ACSL3: variants seen among roughly 807,000 people sequenced by gnomAD.
ACSL3 encodes the protein acyl-CoA synthetase long chain family member 3, also known as fatty acid CoA ligase Acsl3.
A neutral mutation model predicts 84.7 loss-of-function variants in ACSL3; 34 were observed. That is an observed-to-expected ratio of 0.40 (90% CI 0.31 to 0.53). The LOEUF is 0.53. ACSL3 is among the 20% of genes least tolerant of loss of function. The pLI, the probability that ACSL3 is intolerant of heterozygous loss-of-function variation, is 0.48. For synonymous variants in ACSL3, 315 were observed against 299.4 expected (o/e 1.05, Z -0.54); for missense variants, 680 against 873.1 (o/e 0.78, Z 2.79).
intron 11 of ACSL3, 83 bp from the exon 12 acceptor site, chr2:222,926,934 T>C (rs1237881877): frequency 2.1e-6 from 3 of 1,450,816 alleles, no homozygotes; most frequent in South Asian, 2.7e-5. Context: ...ATCTCTCATA[T>C]CAAAACTGGG....
At chr2:222,876,742 A>G (rs141070538) in intron 1 of ACSL3, among the ~76,000 whole-genome samples, 12 of 152,260 alleles carry the variant, frequency 7.9e-5, no homozygotes, top group Non-Finnish European at 7.4e-5. Flanking sequence ...GCTAGATTCT[A>G]GGAAAGCAGA....
Position 222,919,213 on chromosome 2 carries a change from CTT to C in ACSL3, c.805+14_805+15del. ...CCAAGGCCAGCATGGGTATGTTACACTTTTCTAATTCCTTACCTGTGCTTTCT... is the reference window on the plus strand; with the variant it reads ...CCAAGGCCAGCATGGGTATGTTACACTTCTAATTCCTTACCTGTGCTTTCT... On this transcript the variant is annotated intron_variant, in intron 7 of 16. Coordinates refer to ENST00000357430, the MANE Select transcript of ACSL3 (RefSeq NM_004457.5). 1 of 1,613,492 alleles carries C rather than the reference CTT, an allele frequency of 6.2e-7. No individual in the cohort carries two copies. Among genetic ancestry groups the C allele is most frequent in the Non-Finnish European group, 8.5e-7 (1 of 1,179,766 alleles).
intron 13 of ACSL3, among the ~76,000 whole-genome samples, chr2:222,929,985 T>C (rs1195151771): frequency 2.7e-5 from 4 of 146,264 alleles, no homozygotes; most frequent in Non-Finnish European, 6.0e-5. Context: ...TGGAGTGCAG[T>C]GTCAATGGTT....
intron 2 of ACSL3, among the ~76,000 whole-genome samples, chr2:222,891,382 G>A (rs1227360065): frequency 6.6e-6 from 1 of 152,128 alleles, no homozygotes; most frequent in African/African-American, 2.4e-5. Flanking sequence ...TTAGTAATTG[G>A]CAGCAGAGCT....
At chr2:222,922,573 A>T (rs200799889) in intron 8 of ACSL3, 135 bp from the exon 9 acceptor site, 14 of 737,896 alleles carry the variant, frequency 1.9e-5, no homozygotes, top group Non-Finnish European at 2.3e-5. Context: ...TCTCTCTCAC[A>T]AACACATACA....
Position 222,924,520 on chromosome 2 carries a change from G to A in ACSL3, c.1217G>A (p.Arg406His), listed in dbSNP as rs765377905. 20 of 1,610,454 alleles carry A rather than the reference G, an allele frequency of 1.2e-5. No individual in the cohort carries two copies. Among genetic ancestry groups the A allele is most frequent in the East Asian group, 2.2e-5 (1 of 44,684 alleles). Residue 406 changes from arginine (R) to histidine (H), a missense_variant, in exon 11 of 17, where the codon CGT becomes CAT. Coordinates refer to ENST00000357430, the MANE Select transcript of ACSL3 (RefSeq NM_004457.5). ...NKVSEMSSFQ[R>H]NLFILAYNYK... ...GTCAGTGAAATGAGTAGTTTTCAAC[G>A]TAATCTGTTTATTCTGGCCTATAAT...
chr2:222,868,404 T>A (rs1191007644), intron 1 of ACSL3, among the ~76,000 whole-genome samples: 3 of 152,224 alleles, frequency 2.0e-5, no homozygotes, highest in African/African-American at 4.8e-5. Flanking sequence ...TCTGGCATAG[T>A]CATTACTCAA....
At chr2:222,903,774 A>G (rs1010740218) in intron 3 of ACSL3, among the ~76,000 whole-genome samples, 11 of 152,228 alleles carry the variant, frequency 7.2e-5, no homozygotes, top group Non-Finnish European at 1.0e-4. Context: ...TTCTCCTGTT[A>G]CTGTGTGGTA....
intron 16 of ACSL3, among the ~76,000 whole-genome samples, chr2:222,936,436 A>C (rs13393796): frequency 0.35 from 52,855 of 151,982 alleles, 10,703 homozygotes; most frequent in East Asian, 0.76. Context: ...TTTTTTTCTA[A>C]TATCCATTCT....
At chr2:222,913,193 C>A (rs11675672) in intron 4 of ACSL3, among the ~76,000 whole-genome samples, 4 of 152,180 alleles carry the variant, frequency 2.6e-5, no homozygotes, top group African/African-American at 9.7e-5. Context: ...GACATTCCTT[C>A]TAAATTGATC....
At chr2:222,898,773 G>A (rs1279899472) in intron 2 of ACSL3, among the ~76,000 whole-genome samples, 1 of 152,156 alleles carries the variant, frequency 6.6e-6, no homozygotes, top group Non-Finnish European at 1.5e-5. Flanking sequence ...CTTGCAGTGA[G>A]CCGAGATTGC....
At chr2:222,931,791 G>T (rs1292099446) in intron 14 of ACSL3, among the ~76,000 whole-genome samples, 1 of 152,150 alleles carries the variant, frequency 6.6e-6, no homozygotes, top group Non-Finnish European at 1.5e-5. Flanking sequence ...TTCATCGTCA[G>T]TTGTTTTCCT....
chr2:222,914,454 G>T (rs535990648), intron 4 of ACSL3, among the ~76,000 whole-genome samples: 1 of 152,202 alleles, frequency 6.6e-6, no homozygotes, highest in South Asian at 2.1e-4. Context: ...TAGACATGGG[G>T]TCTTGCTGTG....
At chr2:222,936,115 A>G (rs770993466) in intron 16 of ACSL3, among the ~76,000 whole-genome samples, 4 of 152,108 alleles carry the variant, frequency 2.6e-5, no homozygotes, top group African/African-American at 4.8e-5. Flanking sequence ...GTAATACTCC[A>G]TTGTATGTAT....
At chr2:222,871,431 A>G (rs1695300020) in intron 1 of ACSL3, among the ~76,000 whole-genome samples, 1 of 152,150 alleles carries the variant, frequency 6.6e-6, no homozygotes, top group Non-Finnish European at 1.5e-5. Flanking sequence ...TTAGATGTTT[A>G]TAGAATGAGG....
chr2:222,918,084 G>T lies in ACSL3; in HGVS notation c.595G>T (p.Val199Phe). Residue 199 changes from valine (V) to phenylalanine (F), a missense_variant, in exon 6 of 17, where the codon GTT (valine) becomes TTT (phenylalanine). By Grantham distance (50) the Val-to-Phe change is conservative. Transcript: ENST00000357430. ...LYATLGGPAIVHALNETEVTN... is the reference protein window; with the variant it reads ...LYATLGGPAIFHALNETEVTN... ...TGCCACTCTAGGAGGTCCAGCCATT[G>T]TTCATGCATTAAATGAAACAGAGGT... 6.2e-7 allele frequency: 1 copy of T among 1,612,258 alleles called. No individual in the cohort carries two copies. Among genetic ancestry groups the T allele is most frequent in the East Asian group, 2.2e-5 (1 of 44,752 alleles).
Position 222,918,651 on chromosome 2 carries a change from A to C in ACSL3, c.667-413A>C, listed in dbSNP as rs765221969. 3.3e-4 allele frequency among the ~76,000 whole-genome samples: 50 copies of C among 149,456 alleles called. 1 individual carries two copies. The highest frequency in any genetic ancestry group is 6.8e-3 in the Middle Eastern group (2 of 292). ...ATATGGGGGAAGGAGGAGAAAATTCACATGTAAACTTGTTCAAAAAGAAAA... is the reference window on the plus strand; with the variant it reads ...ATATGGGGGAAGGAGGAGAAAATTCCCATGTAAACTTGTTCAAAAAGAAAA... On this transcript the variant is annotated intron_variant, in intron 6 of 16. Coordinates refer to ENST00000357430, the MANE Select transcript of ACSL3 (RefSeq NM_004457.5).
At chr2:222,924,251 C>T (rs1009198486) in intron 10 of ACSL3, among the ~76,000 whole-genome samples, 4 of 152,018 alleles carry the variant, frequency 2.6e-5, no homozygotes, top group Non-Finnish European at 5.9e-5. Flanking sequence ...AATTGTGGTT[C>T]GATTTTAAAA....
At chr2:222,939,464 T>C (rs1159533454) in intron 16 of ACSL3, among the ~76,000 whole-genome samples, 2 of 152,192 alleles carry the variant, frequency 1.3e-5, no homozygotes, top group Non-Finnish European at 2.9e-5. Flanking sequence ...CTCTACCTAG[T>C]GTCTGTGATA....
Sources: allele counts gnomAD v4.1 joint callset (sites outside exome capture counted in the v4.1 genomes callset), GRCh38; gene constraint gnomAD v4.1.1; transcripts MANE v1.5; gene names NCBI Gene and HGNC (gene_info 2026-07-23, HGNC 2026-07-21).